The following SFT2D2 variants were observed in gnomAD, a reference collection of about 807,000 sequenced individuals.
The protein encoded by SFT2D2 is vesicle transport protein SFT2B.
SFT2D2 carries 21 observed loss-of-function variants against 27.4 expected under a neutral mutation model. The ratio of observed to expected loss-of-function variants is 0.77; its 90% CI spans 0.54 to 1.10. The LOEUF is 1.10. Among genes scored for constraint, SFT2D2 ranks in the 50% least tolerant of loss-of-function variants. The pLI is 0.00. For synonymous variants in SFT2D2, 72 were observed against 71.7 expected, an observed-to-expected ratio of 1.00 and a Z score of -0.02; for missense variants, 187 against 194.2, an observed-to-expected ratio of 0.96 and a Z score of 0.22.
At chr1:168,229,639 C>T (rs1447707365) in intron 1 of SFT2D2, 5 of 152,344 alleles carry the variant, frequency 3.3e-5, no homozygotes, top group South Asian at 2.1e-4. Flanking sequence ...CTTCTTCCTA[C>T]GAACAAGCCA....
rs752758936 is a variant in SFT2D2, at chr1:168,247,069, A to C, written c.*4529A>C. ...ATTCAAGTTTTTGATATTCTGTGATATTTCTTTTTTTTCAGATAGTCTCTT... is the reference window on the plus strand; with the variant it reads ...ATTCAAGTTTTTGATATTCTGTGATCTTTCTTTTTTTTCAGATAGTCTCTT... On this transcript the variant is annotated 3_prime_UTR_variant, in exon 8 of 8. Coordinates refer to ENST00000271375, the MANE Select transcript of SFT2D2 (RefSeq NM_199344.3). 9.9e-6 allele frequency: 4 copies of C among 402,888 alleles called. No homozygotes were observed. Among genetic ancestry groups the C allele is most frequent in the African/African-American group, 6.4e-5 (3 of 46,994 alleles). 25.0% of individuals were successfully genotyped at this position (402,888 alleles called of 1,614,324 possible).
chr1:168,249,563 C>T lies in SFT2D2; in HGVS notation c.*7023C>T, dbSNP rs1274579797. ...ATGTCCTTTTTAATGCCTGGATTGA[C>T]TTTGTGGGACATGAGGCCAAGGTAC... is the stretch of plus-strand genomic sequence containing the variant. On this transcript the variant is annotated 3_prime_UTR_variant, in exon 8 of 8. Coordinates refer to ENST00000271375, the MANE Select transcript of SFT2D2 (RefSeq NM_199344.3). 1 of 152,296 alleles carries T rather than the reference C, an allele frequency of 6.6e-6. No homozygotes were observed. Among genetic ancestry groups the T allele is most frequent in the Non-Finnish European group, 1.5e-5 (1 of 67,992 alleles). The allele number at this position is 152,296 out of a possible 1,614,324, so 9.4% of individuals were successfully genotyped here. A position where few individuals can be genotyped will look rare whatever the true frequency, so the allele number is the denominator to read the frequency against.
intron 7 of SFT2D2, among the ~76,000 whole-genome samples, chr1:168,239,477 T>TTA (rs1647589850): frequency 6.8e-6 from 1 of 146,944 alleles, no homozygotes; most frequent in African/African-American, 2.6e-5. Context: ...TTTTTTTTTT[T>TTA]ATAAAGGTGA....
rs2235177 is a variant in SFT2D2 at position 168,237,138 on chromosome 1, T to C, written c.413+368T>C. On this transcript the variant is annotated intron_variant, in intron 6 of 7. Transcript: ENST00000271375. ...ATGTTAAAAAGGCTTGTGAGTCCAA[T>C]AGAGGTTAACAAAAAAGGAAAGTGG... 4.6e-5 allele frequency among the ~76,000 whole-genome samples: 7 copies of C among 152,172 alleles called. No homozygotes were observed. In the East Asian group the frequency reaches 1.2e-3, roughly 25 times the overall value.
chr1:168,252,169 A>G lies in SFT2D2; in HGVS notation c.*9629A>G, dbSNP rs1647966636. The G allele has an allele frequency of 6.6e-6, 1 of 152,188 alleles. No homozygotes were observed. Among genetic ancestry groups the G allele is most frequent in the Admixed American group, 6.5e-5 (1 of 15,280 alleles). 9.4% of individuals were successfully genotyped at this position (152,188 alleles called of 1,614,324 possible). On this transcript the variant is annotated 3_prime_UTR_variant, in exon 8 of 8. Coordinates refer to ENST00000271375, the MANE Select transcript of SFT2D2 (RefSeq NM_199344.3). ...GTCCTTTTCTAGCAGGAGCAGATAAACTGATAATGGTCTTAGAAATGTAGA... is the reference window on the plus strand; with the variant it reads ...GTCCTTTTCTAGCAGGAGCAGATAAGCTGATAATGGTCTTAGAAATGTAGA...
intron 1 of SFT2D2, among the ~76,000 whole-genome samples, 165 bp downstream of exon 1, chr1:168,226,307 A>C (rs1010696973): frequency 7.9e-5 from 12 of 152,054 alleles, no homozygotes; most frequent in African/African-American, 2.7e-4. Context: ...CTGGCACTAC[A>C]CGGGGCAGTG....
rs766561451 is a variant in SFT2D2 at position 168,246,896 on chromosome 1, G to C, written c.*4356G>C. 1 of 590,430 alleles carries C rather than the reference G, an allele frequency of 1.7e-6. No individual in the cohort carries two copies. The highest frequency in any genetic ancestry group is 3.1e-6 in the Non-Finnish European group (1 of 320,978). The allele number at this position is 590,430 out of a possible 1,614,324, so 36.6% of individuals were successfully genotyped here. A position where few individuals can be genotyped will look rare whatever the true frequency, so the allele number is the denominator to read the frequency against. ...TTTTTATAATTTCAATGTCTTTTAA[G>C]TATTTCTTTTCCAGGATTTGATTTT... On this transcript the variant is annotated 3_prime_UTR_variant, in exon 8 of 8. Coordinates refer to ENST00000271375, the MANE Select transcript of SFT2D2 (RefSeq NM_199344.3).
chr1:168,246,509 G>A lies in SFT2D2; in HGVS notation c.*3969G>A. On this transcript the variant is annotated 3_prime_UTR_variant, in exon 8 of 8. Coordinates refer to ENST00000271375, the MANE Select transcript of SFT2D2 (RefSeq NM_199344.3). Reference sequence around the variant, plus strand: ...TTCAGAGCCTCTCTTGTGTTATGGAGCTCAGTTTTGAGGCACCTGGACTTA... The same window carrying A: ...TTCAGAGCCTCTCTTGTGTTATGGAACTCAGTTTTGAGGCACCTGGACTTA... The A allele has an allele frequency of 1.4e-6, 2 of 1,471,414 alleles. No individual in the cohort carries two copies. The highest frequency in any genetic ancestry group is 1.4e-5 in the African/African-American group (1 of 71,792). 91.1% of individuals were successfully genotyped at this position (1,471,414 alleles called of 1,614,324 possible).
At chr1:168,238,888 A>G (rs1349719679) in intron 6 of SFT2D2, among the ~76,000 whole-genome samples, 2 of 152,224 alleles carry the variant, frequency 1.3e-5, no homozygotes, top group African/African-American at 4.8e-5. Flanking sequence ...GGTTATCTCC[A>G]CATGAACCTT....
chr1:168,229,402 C>T (rs754581386), intron 1 of SFT2D2, among the ~76,000 whole-genome samples: 2 of 152,194 alleles, frequency 1.3e-5, no homozygotes, highest in African/African-American at 2.4e-5. Flanking sequence ...CATTCTTAAC[C>T]TTATGGTTTA....
chr1:168,229,933 A>G (rs1700496479), intron 1 of SFT2D2, among the ~76,000 whole-genome samples: 1 of 152,222 alleles, frequency 6.6e-6, no homozygotes. Context: ...GCGTAAAACC[A>G]GGTGGCTCAT....
rs896837721 is a variant in SFT2D2, at chr1:168,243,090, G to C, written c.*550G>C. ...GTGAGGTAGAAAAGAAGCACTTTTTGGTGGTATATGCTGTTTCTGAATTTG... is the reference window on the plus strand; with the variant it reads ...GTGAGGTAGAAAAGAAGCACTTTTTCGTGGTATATGCTGTTTCTGAATTTG... On this transcript the variant is annotated 3_prime_UTR_variant, in exon 8 of 8. Transcript: ENST00000271375. 6.4e-6 allele frequency: 1 copy of C among 155,998 alleles called. No homozygotes were observed. The highest frequency in any genetic ancestry group is 2.4e-5 in the African/African-American group (1 of 41,480). The allele number at this position is 155,998 out of a possible 1,614,324, so 9.7% of individuals were successfully genotyped here. A position where few individuals can be genotyped will look rare whatever the true frequency, so the allele number is the denominator to read the frequency against.
rs1347925012 is a variant in SFT2D2 at position 168,244,979 on chromosome 1, T to G, written c.*2439T>G. ...TAAAATATCTACTGCTAACATCCTA[T>G]GTAATGATGAAAGGCTGAATGTTTT... On this transcript the variant is annotated 3_prime_UTR_variant, in exon 8 of 8. Transcript: ENST00000271375. The G allele has an allele frequency of 6.6e-6, 1 of 152,196 alleles. No homozygotes were observed. The highest frequency in any genetic ancestry group is 1.5e-5 in the Non-Finnish European group (1 of 68,046). 9.4% of individuals were successfully genotyped at this position (152,196 alleles called of 1,614,324 possible). A position where few individuals can be genotyped will look rare whatever the true frequency, so the allele number is the denominator to read the frequency against.
chr1:168,235,057 C>T (rs1411854035), intron 3 of SFT2D2, 44 bp from the exon 4 acceptor site: 4 of 1,551,112 alleles, frequency 2.6e-6, no homozygotes, highest in East Asian at 2.2e-5. Context: ...GTGCCTAGTG[C>T]AGTTCTGTTC....
At chr1:168,231,674 C>T in intron 2 of SFT2D2, 74 bp downstream of exon 2, 2 of 1,522,454 alleles carry the variant, frequency 1.3e-6, no homozygotes, top group Middle Eastern at 1.7e-4. Context: ...TGTCCACCTC[C>T]TTTCCCCTTT....
intron 6 of SFT2D2, 110 bp downstream of exon 6, chr1:168,236,880 G>A: frequency 7.9e-7 from 1 of 1,264,030 alleles, no homozygotes; most frequent in South Asian, 1.2e-5. Flanking sequence ...CACAGAAGCT[G>A]TTTAATTTAA....
chr1:168,239,242 A>T, intron 7 of SFT2D2, 82 bp downstream of exon 7: 1 of 1,090,646 alleles, frequency 9.2e-7, no homozygotes, highest in South Asian at 1.3e-5. Context: ...TATTTTATTT[A>T]TCTTTACTGA....
intron 4 of SFT2D2, 21 bp from the exon 5 acceptor site, chr1:168,236,568 A>G (rs776983068): frequency 3.5e-5 from 56 of 1,607,784 alleles, no homozygotes; most frequent in Non-Finnish European, 4.6e-5. Flanking sequence ...TCATTAATTA[A>G]TGTTTCCTTT....
chr1:168,239,218 C>G, intron 7 of SFT2D2, 58 bp downstream of exon 7: 1 of 1,297,916 alleles, frequency 7.7e-7, no homozygotes, highest in East Asian at 2.3e-5. Context: ...AGTCTGCTTT[C>G]AGAGAGTATA....
Sources: gnomAD v4.1 joint callset for allele counts (sites outside exome capture counted in the v4.1 genomes callset) on GRCh38, gnomAD v4.1.1 for gene constraint, MANE v1.5 for transcripts, NCBI Gene and HGNC (gene_info 2026-07-23, HGNC 2026-07-21) for gene names.